GNG12: variants seen among roughly 807,000 people sequenced by gnomAD.
GNG12 encodes the protein G protein subunit gamma 12, also known as guanine nucleotide-binding protein G(I)/G(S)/G(O) subunit gamma-12.
For synonymous variants in GNG12, 28 were observed against 29.7 expected, an observed-to-expected ratio of 0.94 and a Z score of 0.19; for missense variants, 69 against 83.8, an observed-to-expected ratio of 0.82 and a Z score of 0.69.
At chr1:67,744,126 T>C (rs914686770) in intron 2 of GNG12, among the ~76,000 whole-genome samples, 6 of 152,320 alleles carry the variant, frequency 3.9e-5, no homozygotes, top group Middle Eastern at 3.4e-3. Flanking sequence ...ACACAAGAAT[T>C]ACCTCATTTA....
At chr1:67,792,148 C>G (rs1646804941) in intron 1 of GNG12, among the ~76,000 whole-genome samples, 1 of 152,144 alleles carries the variant, frequency 6.6e-6, no homozygotes, top group Admixed American at 6.5e-5. Flanking sequence ...ACCCCTTCCC[C>G]CTTCCTGGCA....
chr1:67,749,048 G>A lies in GNG12; in HGVS notation c.-27+28410C>T, dbSNP rs573130298. ...TCCCTCTTCCCACTCCCCTGGAGGG[G>A]AGGAGGTGGGGAACAACCAAACCCT... On this transcript the variant is annotated intron_variant, in intron 2 of 3. Coordinates refer to ENST00000370982, the MANE Select transcript of GNG12 (RefSeq NM_018841.6). 3.4e-4 allele frequency among the ~76,000 whole-genome samples: 51 copies of A among 152,174 alleles called. No individual in the cohort carries two copies. In the East Asian group the frequency reaches 7.5e-3, roughly 22 times the overall value.
At chr1:67,813,916 T>A (rs1646939715) in intron 1 of GNG12, among the ~76,000 whole-genome samples, 1 of 151,906 alleles carries the variant, frequency 6.6e-6, no homozygotes, top group Non-Finnish European at 1.5e-5. Flanking sequence ...TATATGTGTA[T>A]ATATATATGT....
chr1:67,814,674 G>A (rs1357770845), intron 1 of GNG12, among the ~76,000 whole-genome samples: 1 of 152,172 alleles, frequency 6.6e-6, no homozygotes, highest in African/African-American at 2.4e-5. Context: ...ATGCTTTCAT[G>A]TTTTATATGC....
At chr1:67,726,897 C>T (rs1187468105) in intron 2 of GNG12, among the ~76,000 whole-genome samples, 2 of 152,138 alleles carry the variant, frequency 1.3e-5, no homozygotes, top group Non-Finnish European at 2.9e-5. Flanking sequence ...TTTCAGGCTA[C>T]CCACTACCTT....
At position 67,789,814 on chromosome 1, in the gene GNG12, A is replaced by G. The variant is rs78735182; in HGVS notation, c.-76-12307T>C. On this transcript the variant is annotated intron_variant, in intron 1 of 3. Coordinates refer to ENST00000370982, the MANE Select transcript of GNG12 (RefSeq NM_018841.6). The stretch of plus-strand genomic sequence containing the variant: ...TTCCCCAGGCCTTGGACTCAGAGGA[A>G]GAAAATGAGAAGTGCTCCTCAGGTG... 2.2e-4 allele frequency among the ~76,000 whole-genome samples: 34 copies of G among 152,306 alleles called. No homozygotes were observed. The East Asian group carries it at 3.5e-3, about 16-fold the overall frequency.
intron 2 of GNG12, among the ~76,000 whole-genome samples, chr1:67,720,888 G>A (rs1646352978): frequency 6.6e-6 from 1 of 152,122 alleles, no homozygotes; most frequent in African/African-American, 2.4e-5. Flanking sequence ...ATAGAAATGG[G>A]AGCATATTAT....
At chr1:67,709,558 C>T (rs115854205) in intron 2 of GNG12, among the ~76,000 whole-genome samples, 1,877 of 151,928 alleles carry the variant, frequency 0.012, 33 homozygotes, top group African/African-American at 0.044. Flanking sequence ...TTGCCTTGTG[C>T]TAAGCCTTGG....
At chr1:67,706,949 C>T (rs1483205529) in intron 3 of GNG12, among the ~76,000 whole-genome samples, 21 of 152,142 alleles carry the variant, frequency 1.4e-4, no homozygotes, top group South Asian at 2.1e-4. Context: ...CGTGAGCCAC[C>T]GCGCCTGGCC....
intron 2 of GNG12, among the ~76,000 whole-genome samples, chr1:67,754,514 G>A (rs61527508): frequency 0.032 from 4,940 of 152,214 alleles, 233 homozygotes; most frequent in African/African-American, 0.1. Flanking sequence ...CCCTAGTTGG[G>A]AGTATAAGCA....
chr1:67,736,791 C>T (rs1360465021), intron 2 of GNG12, among the ~76,000 whole-genome samples: 2 of 152,182 alleles, frequency 1.3e-5, no homozygotes, highest in Admixed American at 6.5e-5. Flanking sequence ...AGACTGAACT[C>T]GGAGTGGTTT....
chr1:67,825,559 G>A (rs1647006472), intron 1 of GNG12, among the ~76,000 whole-genome samples: 1 of 152,164 alleles, frequency 6.6e-6, no homozygotes, highest in South Asian at 2.1e-4. Flanking sequence ...TGGTACTAAG[G>A]GGAACACAGA....
chr1:67,800,535 C>T (rs1219564268), intron 1 of GNG12, among the ~76,000 whole-genome samples: 1 of 152,180 alleles, frequency 6.6e-6, no homozygotes, highest in Non-Finnish European at 1.5e-5. Context: ...TTGAAATAAT[C>T]ACACAAGCAT....
chr1:67,810,994 T>A (rs1368988836), intron 1 of GNG12, among the ~76,000 whole-genome samples: 1 of 152,154 alleles, frequency 6.6e-6, no homozygotes, highest in Non-Finnish European at 1.5e-5. Context: ...ACCGGCAGCA[T>A]CAGCATCACC....
chr1:67,727,027 T>C (rs750923070), intron 2 of GNG12, among the ~76,000 whole-genome samples: 1 of 152,212 alleles, frequency 6.6e-6, no homozygotes, highest in Non-Finnish European at 1.5e-5. Context: ...AGTGCCTCCA[T>C]TGCTTAAATC....
chr1:67,797,784 T>C (rs560938875), intron 1 of GNG12, among the ~76,000 whole-genome samples: 1 of 152,294 alleles, frequency 6.6e-6, no homozygotes, highest in African/African-American at 2.4e-5. Context: ...ACCCATATCA[T>C]GGCGGGCACA....
intron 1 of GNG12, among the ~76,000 whole-genome samples, chr1:67,788,507 T>C (rs1030192850): frequency 3.3e-5 from 5 of 151,536 alleles, no homozygotes; most frequent in Admixed American, 6.6e-5. Context: ...CTAGTTTTTG[T>C]ATTTTTTTTT....
chr1:67,749,656 C>T (rs1462622606), intron 2 of GNG12, among the ~76,000 whole-genome samples: 3 of 152,136 alleles, frequency 2.0e-5, no homozygotes, highest in Non-Finnish European at 4.4e-5. Context: ...TAGGAGCCTC[C>T]AATCAGGACA....
At chr1:67,803,355 T>TA (rs199930560) in intron 1 of GNG12, among the ~76,000 whole-genome samples, 9 of 151,588 alleles carry the variant, frequency 5.9e-5, no homozygotes, top group East Asian at 1.9e-4. Flanking sequence ...CTCTATAAAT[T>TA]AAAAAAAAAA....
Sources: allele counts gnomAD v4.1 joint callset (sites outside exome capture counted in the v4.1 genomes callset), GRCh38; gene constraint gnomAD v4.1.1; transcripts MANE v1.5; gene names NCBI Gene and HGNC (gene_info 2026-07-23, HGNC 2026-07-21).